Variants in GSDMA observed in about 807,000 individuals in gnomAD.
The protein encoded by GSDMA is gasdermin A.
In GSDMA, 55 loss-of-function variants were observed where a neutral mutation model predicts 54.3. That is an observed-to-expected ratio of 1.01 (90% confidence interval 0.82 to 1.27). The LOEUF is 1.27. GSDMA is among the 50% of genes most tolerant of loss of function. The pLI, the probability that GSDMA is intolerant of heterozygous loss-of-function variation, is 0.00. For missense variants in GSDMA, 542 were observed against 542.6 expected (o/e 1.00, Z 0.01); for synonymous variants, 211 against 224.7 (o/e 0.94, Z 0.54).
chr17:39,974,843 C>T, intron 9 of GSDMA, 57 bp from the exon 10 acceptor site: 3 of 934,736 alleles, frequency 3.2e-6, no homozygotes, highest in Non-Finnish European at 5.1e-6. Flanking sequence ...ATGTGCTGGG[C>T]CCTGGGTTGG....
At chr17:39,972,267 A>G (rs1979988607) in intron 6 of GSDMA, 91 bp downstream of exon 6, 6 of 897,978 alleles carry the variant, frequency 6.7e-6, no homozygotes, top group South Asian at 1.5e-5. Flanking sequence ...AGCTTATACT[A>G]TAATCCCCCA....
intron 9 of GSDMA, 29 bp from the exon 10 acceptor site, chr17:39,974,871 C>T: frequency 7.4e-7 from 1 of 1,347,004 alleles, no homozygotes; most frequent in Non-Finnish European, 1.1e-6. Context: ...CCTATGTTAT[C>T]TTCAATAGTC....
In GSDMA at chr17:39,965,781, C is replaced by A. The variant is rs751105190; in HGVS notation, c.94C>A (p.Arg32Ser). 4 of 1,609,378 alleles carry A rather than the reference C, an allele frequency of 2.5e-6. No individual in the cohort carries two copies. The East Asian group carries it at 6.7e-5, about 27-fold the overall frequency. The stretch of plus-strand genomic sequence containing the variant: ...ACTTGACAGCCTCATCGACTTCAAG[C>A]GCTTCCATCCCTTCTGCCTGGTGCT... ...TPLDSLIDFK[R>S]FHPFCLVLRK... The change falls in exon 2 of 12, where the codon CGC (arginine) becomes AGC (serine). Residue 32 changes from arginine to serine, a missense_variant. By Grantham distance (110) the Arg-to-Ser change is moderately radical. Transcript: ENST00000301659.
intron 1 of GSDMA, among the ~76,000 whole-genome samples, chr17:39,963,873 T>C (rs1979519857): frequency 6.6e-6 from 1 of 151,958 alleles, no homozygotes. Context: ...AAAAAAAATG[T>C]TGCCTCTCAG....
At chr17:39,971,454 C>A in intron 4 of GSDMA, 70 bp from the exon 5 acceptor site, 2 of 1,223,702 alleles carry the variant, frequency 1.6e-6, no homozygotes, top group South Asian at 1.3e-5. Context: ...GCACCTCCCC[C>A]AACTCACGCT....
In GSDMA at chr17:39,975,828, A is replaced by C. The variant is rs528444111; in HGVS notation, c.1022-96A>C. 1.7e-4 allele frequency: 157 copies of C among 903,456 alleles called. 1 individual carries two copies. In the South Asian group the frequency reaches 2.3e-3, roughly 14 times the overall value. The allele number at this position is 903,456 out of a possible 1,614,324, so 56.0% of individuals were successfully genotyped here. On this transcript the variant is annotated intron_variant, in intron 10 of 11. Coordinates refer to ENST00000301659, the MANE Select transcript of GSDMA (RefSeq NM_178171.5). ...TAACACCTGCGTTGTAATTACATCC[A>C]ATGAATGAAGGCTGAAATTCTGGAA... is the stretch of plus-strand genomic sequence containing the variant.
chr17:39,963,859 A>AG (rs1387033784), intron 1 of GSDMA, among the ~76,000 whole-genome samples: 2 of 152,080 alleles, frequency 1.3e-5, no homozygotes, highest in African/African-American at 4.8e-5. Context: ...CATCTCAAAA[A>AG]GAAAAAAAAA....
Position 39,974,753 on chromosome 17 carries a change from A to T in GSDMA, c.907-147A>T, listed in dbSNP as rs1234551713. The T allele has an allele frequency of 4.7e-6, 3 of 637,558 alleles. No individual in the cohort carries two copies. In the East Asian group the frequency reaches 8.4e-5, roughly 18 times the overall value. The allele number at this position is 637,558 out of a possible 1,614,324, so 39.5% of individuals were successfully genotyped here. The stretch of plus-strand genomic sequence containing the variant: ...AAACTCAGGAAACAAGGAACCCAGG[A>T]GTCCAGTACTCTTCAGGACATGAGG... On this transcript the variant is annotated intron_variant, in intron 9 of 11. Coordinates refer to ENST00000301659, the MANE Select transcript of GSDMA (RefSeq NM_178171.5).
At position 39,973,941 on chromosome 17, in the gene GSDMA, A is replaced by T. The variant is rs183371907; in HGVS notation, c.751+111A>T. The T allele has an allele frequency of 7.0e-4, 746 of 1,059,178 alleles. 6 individuals carry two copies. The African/African-American group carries it at 0.011, about 15-fold the overall frequency. The allele number at this position is 1,059,178 out of a possible 1,614,324, so 65.6% of individuals were successfully genotyped here. A position where few individuals can be genotyped will look rare whatever the true frequency, so the allele number is the denominator to read the frequency against. Reference sequence around the variant, plus strand: ...GTCAGCTAACTCATGGGAAGGGAAAACAGACTTTCTTTCTCCACTTTTTGC... The same window carrying T: ...GTCAGCTAACTCATGGGAAGGGAAATCAGACTTTCTTTCTCCACTTTTTGC... On this transcript the variant is annotated intron_variant, in intron 8 of 11. Coordinates refer to ENST00000301659, the MANE Select transcript of GSDMA (RefSeq NM_178171.5).
At chr17:39,971,230 G>A (rs959125373) in intron 4 of GSDMA, among the ~76,000 whole-genome samples, 5 of 152,192 alleles carry the variant, frequency 3.3e-5, no homozygotes, top group African/African-American at 1.2e-4. Flanking sequence ...GTACAGGCAG[G>A]AGATGGAGCA....
At position 39,976,871 on chromosome 17, in the gene GSDMA, T is replaced by G. The variant is rs1260313687; in HGVS notation, c.1151T>G (p.Leu384Arg). 6 of 1,613,892 alleles carry G rather than the reference T, an allele frequency of 3.7e-6. No homozygotes were observed. Among genetic ancestry groups the G allele is most frequent in the Non-Finnish European group, 5.1e-6 (6 of 1,179,902 alleles). The part of the protein sequence containing the change: ...FLLDKEGVFP[L>R]QPELLSSLGD... ...CTGGATAAAGAGGGTGTTTTCCCCC[T>G]GCAACCTGAGCTGCTCTCCTCCCTT... The change falls in exon 12 of 12, where the codon CTG (leucine) becomes CGG (arginine). Residue 384 changes from leucine (L) to arginine (R), a missense_variant. Transcript: ENST00000301659.
chr17:39,969,384 G>T (rs73293513), intron 3 of GSDMA, among the ~76,000 whole-genome samples: 2,134 of 151,888 alleles, frequency 0.014, 61 homozygotes, highest in African/African-American at 0.049. Flanking sequence ...AGTGAGTTGG[G>T]TGTGGGGAGC....
chr17:39,970,541 A>G lies in GSDMA; in HGVS notation c.452A>G (p.Tyr151Cys). ...ATGCAAGATCAAGGGGAGAACCTGT[A>G]TGTGGTGATGGAGGTGGTGGAGACG... ...KEMQDQGENL[Y>C]VVMEVVETVQ... is the part of the protein sequence containing the mutation. Residue 151 changes from tyrosine (Y) to cysteine (C), a missense_variant, in exon 4 of 12, where the codon TAT (tyrosine) becomes TGT (cysteine). Coordinates refer to ENST00000301659, the MANE Select transcript of GSDMA (RefSeq NM_178171.5). The G allele has an allele frequency of 6.2e-7, 1 of 1,608,092 alleles. No homozygotes were observed. The highest frequency in any genetic ancestry group is 8.5e-7 in the Non-Finnish European group (1 of 1,176,876).
intron 4 of GSDMA, 26 bp downstream of exon 4, chr17:39,970,673 A>G (rs746863463): frequency 1.4e-5 from 20 of 1,437,550 alleles, no homozygotes; most frequent in Non-Finnish European, 6.4e-6. Context: ...ACACACACAC[A>G]CACACACACA....
At chr17:39,965,272 AGG>A (rs1979590257) in intron 1 of GSDMA, among the ~76,000 whole-genome samples, 2 of 110,992 alleles carry the variant, frequency 1.8e-5, no homozygotes, top group Non-Finnish European at 4.1e-5. Context: ...GAAAGAAAGA[AGG>A]AAGGAAGGAA....
chr17:39,965,518 C>T, intron 1 of GSDMA, 165 bp from the exon 2 acceptor site: 1 of 609,934 alleles, frequency 1.6e-6, no homozygotes, highest in Non-Finnish European at 2.9e-6. Flanking sequence ...ATGCAGACTC[C>T]CTTGATTCTT....
intron 10 of GSDMA, 24 bp from the exon 11 acceptor site, chr17:39,975,900 T>C (rs753458663): frequency 6.4e-7 from 1 of 1,566,498 alleles, no homozygotes; most frequent in Non-Finnish European, 8.7e-7. Context: ...GCAACACACA[T>C]CTTTCTCTGC....
chr17:39,963,825 G>A (rs574477851), intron 1 of GSDMA, among the ~76,000 whole-genome samples: 1 of 152,140 alleles, frequency 6.6e-6, no homozygotes, highest in African/African-American at 2.4e-5. Flanking sequence ...TTGCACTCCA[G>A]CCTGGGCAAC....
At chr17:39,972,104 ACCCT>A in intron 5 of GSDMA, 21 bp from the exon 6 acceptor site, 8 of 348,076 alleles carry the variant, frequency 2.3e-5, no homozygotes, top group Non-Finnish European at 4.0e-5. Context: ...GTGTCCTCCC[ACCCT>A]CCCTCCCTTG....
Sources: allele counts gnomAD v4.1 joint callset (sites outside exome capture counted in the v4.1 genomes callset), GRCh38; gene constraint gnomAD v4.1.1; transcripts MANE v1.5; gene names NCBI Gene and HGNC (gene_info 2026-07-23, HGNC 2026-07-21).